Variants in NKAIN2 observed in about 807,000 individuals in gnomAD.
The protein encoded by NKAIN2 is sodium/potassium transporting ATPase interacting 2.
NKAIN2 carries 14 observed loss-of-function variants against 32.6 expected under a neutral mutation model. The observed-to-expected ratio is 0.43, with a 90% confidence interval of 0.28 to 0.67. The LOEUF (loss-of-function observed/expected upper bound fraction) is 0.67, where lower values mean the gene tolerates loss of function less well. Among genes scored for constraint, NKAIN2 ranks in the 30% least tolerant of loss-of-function variants. The pLI is 0.17. For missense variants in NKAIN2, 198 were observed against 258.3 expected (o/e 0.77, Z 1.60); for synonymous variants, 80 against 87.2 (o/e 0.92, Z 0.46).
intron 3 of NKAIN2, among the ~76,000 whole-genome samples, chr6:124,553,456 C>T (rs568540689): frequency 1.4e-3 from 219 of 152,182 alleles, no homozygotes; most frequent in African/African-American, 4.9e-3. Flanking sequence ...TACAGGCAGG[C>T]GCCACCACAG....
intron 1 of NKAIN2, among the ~76,000 whole-genome samples, chr6:123,912,672 C>G (rs1168346377): frequency 6.6e-6 from 1 of 152,142 alleles, no homozygotes; most frequent in Non-Finnish European, 1.5e-5. Flanking sequence ...GATGCCTACT[C>G]CCCTTCACCT....
intron 1 of NKAIN2, among the ~76,000 whole-genome samples, chr6:123,898,812 G>T (rs2114404639): frequency 6.6e-6 from 1 of 152,148 alleles, no homozygotes; most frequent in East Asian, 1.9e-4. Context: ...TTTTAACTTA[G>T]ACTCACCTCC....
intron 1 of NKAIN2, among the ~76,000 whole-genome samples, chr6:124,027,985 C>T (rs1781192790): frequency 6.6e-6 from 1 of 152,108 alleles, no homozygotes; most frequent in Non-Finnish European, 1.5e-5. Context: ...CTTCCATGAT[C>T]CAAACCTTCT....
intron 1 of NKAIN2, among the ~76,000 whole-genome samples, chr6:123,997,597 CTTTTTTTTTT>C (rs545393601): frequency 3.1e-5 from 3 of 98,258 alleles, no homozygotes; most frequent in Admixed American, 2.5e-4. Context: ...GGAGTTTATT[CTTTTTTTTTT>C]TTTTTTTTTT....
intron 1 of NKAIN2, among the ~76,000 whole-genome samples, chr6:124,171,445 T>C (rs1279912200): frequency 6.6e-6 from 1 of 152,112 alleles, no homozygotes; most frequent in Non-Finnish European, 1.5e-5. Flanking sequence ...TGGAATAATT[T>C]TTCCTCCTAT....
At chr6:124,461,018 A>C (rs1219197043) in intron 3 of NKAIN2, among the ~76,000 whole-genome samples, 1 of 151,710 alleles carries the variant, frequency 6.6e-6, no homozygotes, top group African/African-American at 2.4e-5. Flanking sequence ...TTTATTTAAC[A>C]TATATAGGTA....
At chr6:124,617,642 T>G (rs1402828594) in intron 3 of NKAIN2, among the ~76,000 whole-genome samples, 2 of 152,180 alleles carry the variant, frequency 1.3e-5, no homozygotes, top group Admixed American at 1.3e-4. Context: ...GTGCAAGGAC[T>G]CACTCATATC....
intron 3 of NKAIN2, among the ~76,000 whole-genome samples, chr6:124,503,212 G>C (rs944142333): frequency 2.0e-5 from 3 of 151,792 alleles, no homozygotes; most frequent in African/African-American, 4.8e-5. Context: ...ACTAATATTT[G>C]TACATTATAT....
At chr6:124,040,841 A>T (rs1170060979) in intron 1 of NKAIN2, among the ~76,000 whole-genome samples, 2 of 152,042 alleles carry the variant, frequency 1.3e-5, no homozygotes, top group African/African-American at 4.8e-5. Context: ...CAGTGACATG[A>T]AAAGTAGTAA....
At chr6:123,956,593 G>A (rs929960677) in intron 1 of NKAIN2, among the ~76,000 whole-genome samples, 4 of 152,252 alleles carry the variant, frequency 2.6e-5, no homozygotes, top group Middle Eastern at 3.4e-3. Context: ...ATAAATTTCT[G>A]CATTTAAGCC....
intron 1 of NKAIN2, among the ~76,000 whole-genome samples, chr6:123,929,202 T>C (rs1201277932): frequency 4.6e-5 from 7 of 152,202 alleles, no homozygotes; most frequent in Admixed American, 4.6e-4. Flanking sequence ...TTTTGTGTTT[T>C]ATACTTCAGC....
intron 3 of NKAIN2, among the ~76,000 whole-genome samples, chr6:124,604,891 C>T (rs775238567): frequency 6.6e-5 from 10 of 152,008 alleles, no homozygotes; most frequent in Non-Finnish European, 1.5e-4. Context: ...GGCAAGATCT[C>T]TGCTGATTCA....
intron 1 of NKAIN2, among the ~76,000 whole-genome samples, chr6:124,236,940 A>G (rs1158684626): frequency 6.6e-6 from 1 of 152,192 alleles, no homozygotes; most frequent in Non-Finnish European, 1.5e-5. Flanking sequence ...TGAAAATGCA[A>G]TGTAAAAAAA....
intron 1 of NKAIN2, among the ~76,000 whole-genome samples, chr6:124,029,384 G>A (rs1420175981): frequency 2.0e-5 from 3 of 148,664 alleles, no homozygotes; most frequent in East Asian, 2.0e-4. Flanking sequence ...AATATTTACC[G>A]TTCATTTTAT....
intron 3 of NKAIN2, among the ~76,000 whole-genome samples, chr6:124,406,278 ATT>A (rs1410022255): frequency 6.6e-6 from 1 of 151,474 alleles, no homozygotes; most frequent in Non-Finnish European, 1.5e-5. Flanking sequence ...AATCTTATTT[ATT>A]TCTTTCTCTA....
chr6:124,345,436 A>G (rs1287936051), intron 2 of NKAIN2, among the ~76,000 whole-genome samples: 3 of 152,186 alleles, frequency 2.0e-5, no homozygotes, highest in Non-Finnish European at 4.4e-5. Context: ...TACCTCTGGT[A>G]GAATTTGGCT....
chr6:123,934,310 C>T (rs1487967009), intron 1 of NKAIN2, among the ~76,000 whole-genome samples: 1 of 152,110 alleles, frequency 6.6e-6, no homozygotes, highest in Non-Finnish European at 1.5e-5. Flanking sequence ...CCCTGTGATG[C>T]TCATGCCATT....
intron 1 of NKAIN2, among the ~76,000 whole-genome samples, chr6:124,278,294 T>A (rs1795131741): frequency 6.6e-6 from 1 of 151,994 alleles, no homozygotes; most frequent in Non-Finnish European, 1.5e-5. Context: ...AAAGCTTAGT[T>A]TAACAAAGTA....
At chr6:124,128,896 AC>A (rs1424851500) in intron 1 of NKAIN2, among the ~76,000 whole-genome samples, 2 of 152,156 alleles carry the variant, frequency 1.3e-5, no homozygotes, top group African/African-American at 4.8e-5. Flanking sequence ...TCATCCTACC[AC>A]CCCTCTAAAC....
Sources: allele counts gnomAD v4.1 joint callset (sites outside exome capture counted in the v4.1 genomes callset), GRCh38; gene constraint gnomAD v4.1.1; transcripts MANE v1.5; gene names NCBI Gene and HGNC (gene_info 2026-07-23, HGNC 2026-07-21).